OSGIN1: variants seen among roughly 807,000 people sequenced by gnomAD.
OSGIN1 encodes oxidative stress-induced growth inhibitor 1.
A neutral mutation model predicts 20.1 loss-of-function variants in OSGIN1; 19 were observed. That is an observed-to-expected ratio of 0.95 (90% CI 0.66 to 1.39). OSGIN1 has a LOEUF of 1.39. OSGIN1 is among the 40% of genes most tolerant of loss of function. The probability of loss-of-function intolerance (pLI) is 0.00; values close to 1 mark genes in which losing one functional copy is unlikely to be tolerated. For synonymous variants in OSGIN1, 368 were observed against 297.8 expected, an observed-to-expected ratio of 1.24 and a Z score of -2.43; for missense variants, 820 against 653.0, an observed-to-expected ratio of 1.26 and a Z score of -2.79.
At chr16:83,955,159 G>A (rs944001814) in intron 1 of OSGIN1, among the ~76,000 whole-genome samples, 7 of 152,162 alleles carry the variant, frequency 4.6e-5, no homozygotes, top group Admixed American at 1.3e-4. Context: ...TGCTGTTCCC[G>A]GGGACCATGA....
chr16:83,955,449 G>A (rs1010557322), intron 1 of OSGIN1, among the ~76,000 whole-genome samples: 1 of 152,192 alleles, frequency 6.6e-6, no homozygotes, highest in Non-Finnish European at 1.5e-5. Context: ...AGCACTTGGG[G>A]CACAGAGAAG....
In OSGIN1 at chr16:83,953,262, G is replaced by A. The variant is rs2151073586; in HGVS notation, c.-141G>A. 1.6e-6 allele frequency: 2 copies of A among 1,288,418 alleles called. No individual in the cohort carries two copies. The highest frequency in any genetic ancestry group is 5.5e-5 in the East Asian group (1 of 18,020). 79.8% of individuals were successfully genotyped at this position (1,288,418 alleles called of 1,614,324 possible). A position where few individuals can be genotyped will look rare whatever the true frequency, so the allele number is the denominator to read the frequency against. ...CTCAGAGCCTCTTGGATCCCCACAGGGTAATGGGTGTCCCGATCTCGCGGG... is the reference window on the plus strand; with the variant it reads ...CTCAGAGCCTCTTGGATCCCCACAGAGTAATGGGTGTCCCGATCTCGCGGG... On this transcript the variant is annotated 5_prime_UTR_variant, in exon 1 of 6. Transcript: ENST00000393306.
chr16:83,956,136 G>A (rs906684697), intron 1 of OSGIN1, among the ~76,000 whole-genome samples: 1 of 152,226 alleles, frequency 6.6e-6, no homozygotes, highest in African/African-American at 2.4e-5. Context: ...AGAGTGCTCT[G>A]AGAAGGTCAG....
rs537517471 is a variant in OSGIN1, at chr16:83,954,853, G to A, written c.-33+1483G>A. 151 of 547,766 alleles carry A rather than the reference G, an allele frequency of 2.8e-4. No individual in the cohort carries two copies. The African/African-American group carries it at 2.9e-3, about 10-fold the overall frequency. The allele number at this position is 547,766 out of a possible 1,614,324, so 33.9% of individuals were successfully genotyped here. A position where few individuals can be genotyped will look rare whatever the true frequency, so the allele number is the denominator to read the frequency against. On this transcript the variant is annotated intron_variant, in intron 1 of 5. Coordinates refer to ENST00000393306, the MANE Select transcript of OSGIN1 (RefSeq NM_182981.3). ...AGGGGCTCCTGCAAATGCCCTTCTTGGGGTGGTGGGAAAATCTGAAAGAAC... is the reference window on the plus strand; with the variant it reads ...AGGGGCTCCTGCAAATGCCCTTCTTAGGGTGGTGGGAAAATCTGAAAGAAC...
intron 5 of OSGIN1, 44 bp from the exon 6 acceptor site, chr16:83,965,018 C>G: frequency 7.8e-7 from 1 of 1,283,882 alleles, no homozygotes; most frequent in Non-Finnish European, 1.1e-6. Context: ...GCCCCCCAAC[C>G]CCTAACAGTG....
Position 83,959,321 on chromosome 16 carries a change from GC to G in OSGIN1, c.131del (p.Pro44GlnfsTer60), listed in dbSNP as rs766701628. On this transcript the variant is annotated frameshift_variant, in exon 3 of 6. Coordinates refer to ENST00000393306, the MANE Select transcript of OSGIN1 (RefSeq NM_182981.3). LOFTEE classifies it high-confidence loss of function. ...TCTCCGGCTACACACCCTACACGAAGCCAGATGCCATCCACCCACACCCCCT... is the reference window on the plus strand; with the variant it reads ...TCTCCGGCTACACACCCTACACGAAGCAGATGCCATCCACCCACACCCCCT... ...LLSGYTPYTKPDAIHPHPLLQ... is the reference protein window; with the variant it reads ...LLSGYTPYTKXDAIHPHPLLQ... 1.9e-6 allele frequency: 3 copies of G among 1,613,658 alleles called. No homozygotes were observed. Among genetic ancestry groups the G allele is most frequent in the Non-Finnish European group, 2.5e-6 (3 of 1,179,990 alleles).
At chr16:83,954,767 G>A in intron 1 of OSGIN1, 1 of 984,644 alleles carries the variant, frequency 1.0e-6, no homozygotes, top group Middle Eastern at 5.2e-4. Context: ...GTAAACCAGT[G>A]TCCTCTGCTG....
At chr16:83,953,992 C>G (rs1166345285) in intron 1 of OSGIN1, 1 of 152,572 alleles carries the variant, frequency 6.6e-6, no homozygotes, top group African/African-American at 2.4e-5. Context: ...CACCCCCTCA[C>G]ACTTTAGCGC....
chr16:83,961,105 G>A (rs769742536), intron 5 of OSGIN1, 33 bp downstream of exon 5: 89 of 1,534,506 alleles, frequency 5.8e-5, no homozygotes, highest in Non-Finnish European at 7.0e-5. Flanking sequence ...TGGGGGACAC[G>A]GAAGGTTGGG....
chr16:83,954,624 G>T (rs1028825305), intron 1 of OSGIN1: 1 of 292,474 alleles, frequency 3.4e-6, no homozygotes, highest in Non-Finnish European at 5.1e-6. Flanking sequence ...GTGTCACTCT[G>T]AACGGGAAGT....
At position 83,953,251 on chromosome 16, in the gene OSGIN1, G is replaced by T. The variant is rs1210251500; in HGVS notation, c.-152G>T. ...CCCTCTGGCCTCTCAGAGCCTCTTGGATCCCCACAGGGTAATGGGTGTCCC... is the reference window on the plus strand; with the variant it reads ...CCCTCTGGCCTCTCAGAGCCTCTTGTATCCCCACAGGGTAATGGGTGTCCC... On this transcript the variant is annotated 5_prime_UTR_variant, in exon 1 of 6. Transcript: ENST00000393306. 1 of 1,285,452 alleles carries T rather than the reference G, an allele frequency of 7.8e-7. No individual in the cohort carries two copies. Among genetic ancestry groups the T allele is most frequent in the Admixed American group, 2.3e-5 (1 of 43,216 alleles). 79.6% of individuals were successfully genotyped at this position (1,285,452 alleles called of 1,614,324 possible).
chr16:83,955,409 C>A (rs751046875), intron 1 of OSGIN1, among the ~76,000 whole-genome samples: 2 of 152,124 alleles, frequency 1.3e-5, no homozygotes, highest in African/African-American at 2.4e-5. Context: ...ACGTTCCACC[C>A]GGCAGAGGGG....
At chr16:83,962,330 C>T (rs967613479) in intron 5 of OSGIN1, among the ~76,000 whole-genome samples, 5 of 152,194 alleles carry the variant, frequency 3.3e-5, no homozygotes, top group African/African-American at 1.2e-4. Context: ...GCTCCGCCTC[C>T]CAGGTTCAAG....
At chr16:83,963,632 T>G (rs1320729951) in intron 5 of OSGIN1, among the ~76,000 whole-genome samples, 1 of 152,156 alleles carries the variant, frequency 6.6e-6, no homozygotes. Flanking sequence ...CCCACAGAGA[T>G]AAATTCCAGG....
intron 5 of OSGIN1, among the ~76,000 whole-genome samples, chr16:83,963,970 G>C (rs532621666): frequency 4.0e-5 from 6 of 148,736 alleles, no homozygotes; most frequent in African/African-American, 1.5e-4. Context: ...TGGTGAGTGC[G>C]TCACATGGGA....
Position 83,965,776 on chromosome 16 carries a change from C to T in OSGIN1, c.1203C>T (p.Asp401=). 1.2e-6 allele frequency: 2 copies of T among 1,613,158 alleles called. No individual in the cohort carries two copies. The highest frequency in any genetic ancestry group is 1.7e-6 in the Non-Finnish European group (2 of 1,179,898). ...TGGTCCTCATCGGCTCCCACCCCGA[C>T]CTCTCCTTCCTGCCTGGGGCAGGGG... The part of the protein sequence containing the change: ...LVLVLIGSHP[D]LSFLPGAGAD... The change falls in exon 6 of 6, where the codon GAC becomes GAT. Residue 401 remains aspartate, a synonymous_variant. Coordinates refer to ENST00000393306, the MANE Select transcript of OSGIN1 (RefSeq NM_182981.3).
chr16:83,964,366 G>A (rs905429029), intron 5 of OSGIN1, among the ~76,000 whole-genome samples: 1 of 151,986 alleles, frequency 6.6e-6, no homozygotes, highest in Non-Finnish European at 1.5e-5. Context: ...ATATAGAAAA[G>A]TACGTAACTC....
At chr16:83,955,325 C>T (rs2151074542) in intron 1 of OSGIN1, among the ~76,000 whole-genome samples, 1 of 152,338 alleles carries the variant, frequency 6.6e-6, no homozygotes, top group East Asian at 1.9e-4. Context: ...ACCAGGTCCT[C>T]AGCTGTCCCT....
chr16:83,962,961 ACTGAATAAAGGAGTTCTAGTCC>A (rs552557704), intron 5 of OSGIN1, among the ~76,000 whole-genome samples: 1 of 152,284 alleles, frequency 6.6e-6, no homozygotes, highest in East Asian at 1.9e-4. Flanking sequence ...AGTTTCAATC[ACTGAATAAAGGAGTTCTAGTCC>A]CTGCTCCTCC....
Sources: gnomAD v4.1 joint callset for allele counts (sites outside exome capture counted in the v4.1 genomes callset) on GRCh38, gnomAD v4.1.1 for gene constraint, MANE v1.5 for transcripts, NCBI Gene and HGNC (gene_info 2026-07-23, HGNC 2026-07-21) for gene names.